Variants in GNA12 observed in about 807,000 individuals in gnomAD.
The protein encoded by GNA12 is guanine nucleotide-binding protein subunit alpha-12.
In GNA12, 9 loss-of-function variants were observed where a neutral mutation model predicts 26.0. The observed-to-expected ratio is 0.35, with a 90% CI of 0.21 to 0.60. The LOEUF is 0.60. Ranked by LOEUF, GNA12 falls within the 20% of genes least tolerant of loss-of-function variation. The probability of loss-of-function intolerance (pLI) is 0.78; values close to 1 mark genes in which losing one functional copy is unlikely to be tolerated. For missense variants in GNA12, 405 were observed against 525.8 expected (o/e 0.77, Z 2.25); for synonymous variants, 264 against 219.6 (o/e 1.20, Z -1.79).
chr7:2,794,740 C>G, intron 2 of GNA12, 188 bp downstream of exon 2: 1 of 600,404 alleles, frequency 1.7e-6, no homozygotes, highest in Non-Finnish European at 3.0e-6. Flanking sequence ...CTTGCTCCTT[C>G]CCCTCTTGAG....
chr7:2,786,270 G>T (rs1004497482), intron 2 of GNA12, among the ~76,000 whole-genome samples: 1 of 152,042 alleles, frequency 6.6e-6, no homozygotes. Context: ...CACACACAAG[G>T]ACTATCTGTG....
At chr7:2,833,322 A>G (rs1332553869) in intron 1 of GNA12, among the ~76,000 whole-genome samples, 1 of 152,220 alleles carries the variant, frequency 6.6e-6, no homozygotes, top group East Asian at 1.9e-4. Context: ...GATAAGGCCG[A>G]AGTTTAAATC....
chr7:2,779,895 G>A (rs984731035), intron 2 of GNA12, among the ~76,000 whole-genome samples: 1 of 151,808 alleles, frequency 6.6e-6, no homozygotes, highest in African/African-American at 2.4e-5. Context: ...AGCAGGCTTG[G>A]CGAATAATAC....
intron 1 of GNA12, among the ~76,000 whole-genome samples, chr7:2,799,900 G>T (rs1018700349): frequency 6.6e-6 from 1 of 152,092 alleles, no homozygotes; most frequent in African/African-American, 2.4e-5. Context: ...GTGAGGAGGC[G>T]GAGACCCCGG....
intron 2 of GNA12, among the ~76,000 whole-genome samples, chr7:2,790,852 T>TA (rs1369472867): frequency 6.6e-6 from 1 of 152,032 alleles, no homozygotes; most frequent in Non-Finnish European, 1.5e-5. Flanking sequence ...CACATGCCTG[T>TA]GATCCCAACT....
intron 2 of GNA12, among the ~76,000 whole-genome samples, chr7:2,780,046 G>GTATATGTGTA (rs1338485354): frequency 1.2e-5 from 1 of 85,824 alleles, no homozygotes; most frequent in Admixed American, 1.4e-4. Context: ...ACACATTTCT[G>GTATATGTGTA]TGTACATATA....
At chr7:2,839,455 T>C (rs1323751152) in intron 1 of GNA12, among the ~76,000 whole-genome samples, 1 of 152,146 alleles carries the variant, frequency 6.6e-6, no homozygotes, top group African/African-American at 2.4e-5. Flanking sequence ...GTGCTCTCTG[T>C]GCACTGCAAC....
In GNA12 at chr7:2,843,998, C is replaced by T. The variant is rs1417455995; in HGVS notation, c.164G>A (p.Arg55Gln). 6 of 1,547,972 alleles carry T rather than the reference C, an allele frequency of 3.9e-6. No individual in the cohort carries two copies. In the Admixed American group the frequency reaches 5.6e-5, roughly 14 times the overall value. The change falls in exon 1 of 4, where the codon CGG becomes CAG. Residue 55 changes from arginine (R) to glutamine (Q), a missense_variant. Transcript: ENST00000275364. Reference sequence around the variant, plus strand: ...CAGCAGCAGGATCTTCACCAGGCGCCGGACCGCGCGCCGCTCGCGGGCCAG... The same window carrying T: ...CAGCAGCAGGATCTTCACCAGGCGCTGGACCGCGCGCCGCTCGCGGGCCAG... ...ALLARERRAV[R>Q]RLVKILLLGA...
intron 2 of GNA12, among the ~76,000 whole-genome samples, chr7:2,734,306 A>C (rs1790049279): frequency 6.6e-6 from 1 of 152,234 alleles, no homozygotes; most frequent in South Asian, 2.1e-4. Flanking sequence ...CTTCAAAGGT[A>C]GCGTATTAAA....
intron 2 of GNA12, among the ~76,000 whole-genome samples, chr7:2,738,789 T>C (rs1790343733): frequency 6.6e-6 from 1 of 152,178 alleles, no homozygotes; most frequent in Non-Finnish European, 1.5e-5. Context: ...GACAATAAGG[T>C]TAGAGGCGGA....
chr7:2,762,628 A>G (rs1791615669), intron 2 of GNA12: 3 of 1,575,124 alleles, frequency 1.9e-6, no homozygotes, highest in South Asian at 1.2e-5. Context: ...TAAGACCCCA[A>G]TGCCATGAAG....
chr7:2,792,350 C>A (rs944681672), intron 2 of GNA12, among the ~76,000 whole-genome samples: 2 of 152,186 alleles, frequency 1.3e-5, no homozygotes, highest in African/African-American at 4.8e-5. Flanking sequence ...CTGGTACGGG[C>A]TTACTTCCAT....
intron 2 of GNA12, among the ~76,000 whole-genome samples, chr7:2,763,491 T>C (rs1583257626): frequency 6.6e-6 from 1 of 152,338 alleles, no homozygotes; most frequent in African/African-American, 2.4e-5. Flanking sequence ...CCGGCAGCAG[T>C]GCTGCTCTAT....
intron 1 of GNA12, among the ~76,000 whole-genome samples, chr7:2,824,779 C>T (rs1169564143): frequency 6.6e-6 from 1 of 152,152 alleles, no homozygotes; most frequent in Non-Finnish European, 1.5e-5. Flanking sequence ...AATCAAACCG[C>T]AATAAAAAAA....
In GNA12 at chr7:2,787,924, C is replaced by G. The variant is rs532660987; in HGVS notation, c.525+7004G>C. On this transcript the variant is annotated intron_variant, in intron 2 of 3. Transcript: ENST00000275364. The stretch of plus-strand genomic sequence containing the variant: ...AATCCCAGAGCTTTGGAAGCCAAGG[C>G]AGGAGGATCACCTGAGGTCAAGAGT... Among the ~76,000 whole-genome samples the G allele has an allele frequency of 7.9e-5, 12 of 152,282 alleles. No homozygotes were observed. In the East Asian group the frequency reaches 1.2e-3, roughly 15 times the overall value.
intron 2 of GNA12, chr7:2,762,483 G>C (rs1475719213): frequency 4.2e-6 from 3 of 710,988 alleles, no homozygotes; most frequent in Non-Finnish European, 6.5e-6. Flanking sequence ...ACCCGTGTGC[G>C]GGGCCTGAGG....
Position 2,730,231 on chromosome 7 carries a change from C to T in GNA12, c.*950G>A, listed in dbSNP as rs947708557. Reference sequence around the variant, plus strand: ...GAGGAATGTTTCTGAAAGAAGGAAACGCTATGTGCTGCCAACTGTGTGTGA... The same window carrying T: ...GAGGAATGTTTCTGAAAGAAGGAAATGCTATGTGCTGCCAACTGTGTGTGA... On this transcript the variant is annotated 3_prime_UTR_variant, in exon 4 of 4. Coordinates refer to ENST00000275364, the MANE Select transcript of GNA12 (RefSeq NM_007353.3). The T allele has an allele frequency of 6.6e-6, 1 of 152,394 alleles. No homozygotes were observed. The highest frequency in any genetic ancestry group is 1.5e-5 in the Non-Finnish European group (1 of 68,064). The allele number at this position is 152,394 out of a possible 1,614,324, so 9.4% of individuals were successfully genotyped here.
intron 2 of GNA12, among the ~76,000 whole-genome samples, chr7:2,745,105 A>T (rs1437778080): frequency 6.6e-6 from 1 of 152,254 alleles, no homozygotes; most frequent in African/African-American, 2.4e-5. Context: ...GCAGGATATT[A>T]TCCAGGAAAA....
chr7:2,746,222 T>C (rs1790756687), intron 2 of GNA12, among the ~76,000 whole-genome samples: 1 of 152,186 alleles, frequency 6.6e-6, no homozygotes, highest in Non-Finnish European at 1.5e-5. Context: ...TATACATTCT[T>C]TTCAGCACCA....
Sources: gnomAD v4.1 joint callset for allele counts (sites outside exome capture counted in the v4.1 genomes callset) on GRCh38, gnomAD v4.1.1 for gene constraint, MANE v1.5 for transcripts, NCBI Gene and HGNC (gene_info 2026-07-23, HGNC 2026-07-21) for gene names.